Variants in PKHD1 observed in about 807,000 individuals in gnomAD.
PKHD1 encodes the protein PKHD1 ciliary IPT domain containing fibrocystin/polyductin, also known as fibrocystin.
Under a neutral mutation model 412.0 loss-of-function variants are expected in PKHD1, and 291 were observed. The ratio of observed to expected loss-of-function variants is 0.71; its 90% confidence interval spans 0.64 to 0.78. PKHD1 has a LOEUF of 0.78. PKHD1 is among the 30% of genes least tolerant of loss of function. PKHD1 has a pLI of 0.00. For synonymous variants in PKHD1, 1,777 were observed against 1,821.5 expected (o/e 0.98, Z 0.62); for missense variants, 4,825 against 4,950.7 (o/e 0.97, Z 0.76).
intron 36 of PKHD1, among the ~76,000 whole-genome samples, chr6:51,945,597 A>G (rs1789337710): frequency 6.6e-6 from 1 of 152,244 alleles, no homozygotes; most frequent in South Asian, 2.1e-4. Flanking sequence ...ATTTTTTCTT[A>G]AGCAAGATAT....
In PKHD1 at chr6:51,959,880, C is replaced by T. The variant is rs2127946451; in HGVS notation, c.5898G>A (p.Leu1966=). The change falls in exon 36 of 67, where the codon CTG becomes CTA. Residue 1966 remains leucine, a synonymous_variant. Transcript: ENST00000371117. ...ACAAACTTCACACACCTTTAATGTG[C>T]AGTAAGTTGAGGATGCTTGTGTTAG... is the stretch of plus-strand genomic sequence containing the variant. ...LDTNTSILNL[L]HIKGGKLIFM... 6.2e-7 allele frequency: 1 copy of T among 1,612,966 alleles called. No homozygotes were observed. Among genetic ancestry groups the T allele is most frequent in the Non-Finnish European group, 8.5e-7 (1 of 1,179,158 alleles).
Position 52,025,771 on chromosome 6 carries a change from C to T in PKHD1, c.4039G>A (p.Val1347Met), listed in dbSNP as rs201087689. 69 of 1,614,062 alleles carry T rather than the reference C, an allele frequency of 4.3e-5. No homozygotes were observed. The Admixed American group carries it at 4.8e-4, about 11-fold the overall frequency. ...GGGATGGAGCATCCAGACAGGCTCA[C>T]GTTGCCCTGGAAGGACTGTGTCTCA... Reference protein sequence around the residue: ...DVETQSFQGNVSLSGCSIPLH... With the variant: ...DVETQSFQGNMSLSGCSIPLH... Residue 1347 changes from valine (V) to methionine (M), a missense_variant, in exon 32 of 67, where the codon GTG (valine) becomes ATG (methionine). Physicochemically the swap from Val to Met is conservative, Grantham distance 21. Coordinates refer to ENST00000371117, the MANE Select transcript of PKHD1 (RefSeq NM_138694.4).
intron 11 of PKHD1, 51 bp from the exon 12 acceptor site, chr6:52,066,128 T>G: frequency 8.7e-6 from 7 of 808,246 alleles, no homozygotes; most frequent in South Asian, 1.4e-5. Flanking sequence ...TAGACCAGAA[T>G]ATGACCTAGA....
chr6:51,734,230 G>A (rs1455595471), intron 60 of PKHD1, among the ~76,000 whole-genome samples: 1 of 152,100 alleles, frequency 6.6e-6, no homozygotes, highest in Non-Finnish European at 1.5e-5. Context: ...AATACACATG[G>A]TGGTCTCCAA....
chr6:52,028,458 T>G, intron 29 of PKHD1, 107 bp from the exon 30 acceptor site: 1 of 982,344 alleles, frequency 1.0e-6, no homozygotes, highest in South Asian at 1.3e-5. Flanking sequence ...GTCACCCCTA[T>G]GCATAATACT....
At chr6:51,861,447 A>G (rs1774172492) in intron 48 of PKHD1, among the ~76,000 whole-genome samples, 1 of 152,190 alleles carries the variant, frequency 6.6e-6, no homozygotes, top group African/African-American at 2.4e-5. Context: ...GTAATTATCC[A>G]TCTCCTAAGC....
Position 51,887,241 on chromosome 6 carries a change from T to C in PKHD1, c.7001A>G (p.Asn2334Ser), listed in dbSNP as rs1778362747. The change falls in exon 44 of 67, where the codon AAC becomes AGC. Residue 2334 changes from asparagine to serine, a missense_variant. By Grantham distance (46) the Asn-to-Ser change is conservative. Transcript: ENST00000371117. ...GCCATAGCCAGCACCACACACTCTG[T>C]TCCCCTACAGAAATTAAGAAGAGTT... ...ICSPTNVIEG[N>S]RVCGAGYGYF... The C allele has an allele frequency of 1.9e-6, 3 of 1,596,828 alleles. No homozygotes were observed. The highest frequency in any genetic ancestry group is 4.5e-5 in the East Asian group (2 of 44,794).
chr6:51,659,186 T>G lies in PKHD1; in HGVS notation c.10940A>C (p.His3647Pro), dbSNP rs139442289. Reference protein sequence around the residue: ...RRPLMMEMNSHRASPPMTVET... With the variant: ...RRPLMMEMNSPRASPPMTVET... The stretch of plus-strand genomic sequence containing the variant: ...CACAGTCATTGGGGGTGAAGCCCTA[T>G]GTGAGTTCATTTCCATCATGAGAGG... Residue 3647 changes from histidine to proline, a missense_variant, in exon 61 of 67, where the codon CAT becomes CCT. Physicochemically the swap from His to Pro is moderately conservative, Grantham distance 77. Coordinates refer to ENST00000371117, the MANE Select transcript of PKHD1 (RefSeq NM_138694.4). The G allele has an allele frequency of 1.9e-5, 30 of 1,613,794 alleles. No homozygotes were observed. The African/African-American group carries it at 3.3e-4, about 18-fold the overall frequency.
intron 54 of PKHD1, among the ~76,000 whole-genome samples, chr6:51,775,391 A>G (rs926098896): frequency 2.6e-5 from 4 of 152,056 alleles, no homozygotes; most frequent in Non-Finnish European, 2.9e-5. Flanking sequence ...TTAAAATAGC[A>G]TTTGGTATTG....
chr6:51,829,830 G>T (rs1582918862), intron 52 of PKHD1, among the ~76,000 whole-genome samples: 1 of 152,108 alleles, frequency 6.6e-6, no homozygotes, highest in South Asian at 2.1e-4. Context: ...GTGCGTTATT[G>T]GTTCAAGATG....
At chr6:51,986,639 A>G (rs1053685311) in intron 35 of PKHD1, among the ~76,000 whole-genome samples, 22 of 152,372 alleles carry the variant, frequency 1.4e-4, no homozygotes, top group African/African-American at 4.8e-4. Flanking sequence ...GTTCAAGTAA[A>G]AGGACAGAAA....
At chr6:51,792,632 T>A (rs1793939695) in intron 52 of PKHD1, among the ~76,000 whole-genome samples, 1 of 152,226 alleles carries the variant, frequency 6.6e-6, no homozygotes, top group African/African-American at 2.4e-5. Context: ...CAATAAAATG[T>A]GGGAAAAATT....
At chr6:51,655,802 C>A (rs1306524565) in intron 61 of PKHD1, among the ~76,000 whole-genome samples, 1 of 152,100 alleles carries the variant, frequency 6.6e-6, no homozygotes, top group Non-Finnish European at 1.5e-5. Context: ...TATCTCATGC[C>A]AGTCAGAAAG....
At chr6:51,709,788 C>T (rs570608765) in intron 60 of PKHD1, among the ~76,000 whole-genome samples, 67 of 150,820 alleles carry the variant, frequency 4.4e-4, no homozygotes, top group African/African-American at 1.4e-3. Context: ...AATATAATTA[C>T]ATTTAATGAA....
intron 21 of PKHD1, 42 bp from the exon 22 acceptor site, chr6:52,050,337 G>A: frequency 6.2e-7 from 1 of 1,605,464 alleles, no homozygotes; most frequent in Non-Finnish European, 8.5e-7. Flanking sequence ...GACTTAAGAT[G>A]GTAGACTTGC....
At chr6:51,957,170 G>A (rs139178568) in intron 36 of PKHD1, among the ~76,000 whole-genome samples, 24 of 152,064 alleles carry the variant, frequency 1.6e-4, no homozygotes, top group African/African-American at 5.3e-4. Flanking sequence ...CTATTCTTCC[G>A]CTTTTCCATT....
intron 48 of PKHD1, among the ~76,000 whole-genome samples, chr6:51,858,546 A>G (rs561962810): frequency 2.0e-5 from 3 of 152,338 alleles, no homozygotes; most frequent in African/African-American, 7.2e-5. Flanking sequence ...GGGAATGATT[A>G]TAAGTGTTTC....
intron 53 of PKHD1, among the ~76,000 whole-genome samples, chr6:51,780,217 C>A (rs7454435): frequency 0.59 from 89,049 of 151,850 alleles, 26,870 homozygotes; most frequent in East Asian, 0.83. Context: ...GAAACCTTGT[C>A]TCTACTAAAA....
chr6:51,885,264 T>C lies in PKHD1; in HGVS notation c.7215+603A>G, dbSNP rs1778027887. 2.6e-5 allele frequency among the ~76,000 whole-genome samples: 4 copies of C among 152,190 alleles called. No individual in the cohort carries two copies. The South Asian group carries it at 8.3e-4, about 32-fold the overall frequency. On this transcript the variant is annotated intron_variant, in intron 45 of 66. Transcript: ENST00000371117. The stretch of plus-strand genomic sequence containing the variant: ...CATTGGGATAATGAAGAGTAAATGA[T>C]TGAACATGAACCTTTTCTTTTCCTT...
Sources: gnomAD v4.1 joint callset for allele counts (sites outside exome capture counted in the v4.1 genomes callset) on GRCh38, gnomAD v4.1.1 for gene constraint, MANE v1.5 for transcripts, NCBI Gene and HGNC (gene_info 2026-07-23, HGNC 2026-07-21) for gene names.